CMIP: variants seen among roughly 807,000 people sequenced by gnomAD.
CMIP encodes the protein c-Maf inducing protein.
A neutral mutation model predicts 97.3 loss-of-function variants in CMIP; 13 were observed. The ratio of observed to expected loss-of-function variants is 0.13; its 90% confidence interval spans 0.09 to 0.21. The LOEUF (loss-of-function observed/expected upper bound fraction) is 0.21. Among genes scored for constraint, CMIP ranks in the 10% least tolerant of loss-of-function variants. The probability of loss-of-function intolerance (pLI) is 1.00; values close to 1 mark genes in which losing one functional copy is unlikely to be tolerated. For synonymous variants in CMIP, 538 were observed against 436.3 expected (o/e 1.23, Z -2.91); for missense variants, 847 against 1,024.9 (o/e 0.83, Z 2.37).
intron 1 of CMIP, among the ~76,000 whole-genome samples, chr16:81,592,739 C>A (rs955198670): frequency 1.3e-5 from 2 of 152,178 alleles, no homozygotes; most frequent in Non-Finnish European, 2.9e-5. Context: ...CTCCATGGAA[C>A]TGGGGAGTCT....
chr16:81,693,390 A>G, intron 12 of CMIP, 49 bp from the exon 13 acceptor site: 1 of 1,590,866 alleles, frequency 6.3e-7, no homozygotes, highest in South Asian at 1.1e-5. Flanking sequence ...CACACCTCCC[A>G]CTCAGTTCCA....
At chr16:81,559,670 G>T (rs1035665611) in intron 1 of CMIP, among the ~76,000 whole-genome samples, 1 of 152,206 alleles carries the variant, frequency 6.6e-6, no homozygotes, top group Non-Finnish European at 1.5e-5. Context: ...ACTGCCAGTC[G>T]TGCAAAAGCA....
Position 81,621,715 on chromosome 16 carries a change from AGCTGG to A in CMIP, c.477+791_477+795del. 1 of 152,780 alleles carries A rather than the reference AGCTGG, an allele frequency of 6.5e-6. No homozygotes were observed. 9.5% of individuals were successfully genotyped at this position (152,780 alleles called of 1,614,324 possible). On this transcript the variant is annotated intron_variant, in intron 3 of 20. Coordinates refer to ENST00000537098, the MANE Select transcript of CMIP (RefSeq NM_198390.3). The surrounding 1 kb of genome is among the most constrained non-coding windows in gnomAD (Gnocchi z 4.1). ...GTCATAAGCTGTCATCCTTACAGTAAGCTGGGGAGCCACAGGGGATGAACAGCTGG... is the reference window on the plus strand; with the variant it reads ...GTCATAAGCTGTCATCCTTACAGTAAGGAGCCACAGGGGATGAACAGCTGG...
In CMIP at chr16:81,470,762, T is replaced by C. The variant is rs549357269; in HGVS notation, c.300+25221T>C. Among the ~76,000 whole-genome samples, 51 of 152,332 alleles carry C rather than the reference T, an allele frequency of 3.3e-4. 1 individual carries two copies. In the South Asian group the frequency reaches 0.01, roughly 30 times the overall value. On this transcript the variant is annotated intron_variant, in intron 1 of 20. Coordinates refer to ENST00000537098, the MANE Select transcript of CMIP (RefSeq NM_198390.3). ...CATGAGCCACTGTGCCCAGCCAAAATTGGGATTTTGTAAGTAGAAAATGAT... is the reference window on the plus strand; with the variant it reads ...CATGAGCCACTGTGCCCAGCCAAAACTGGGATTTTGTAAGTAGAAAATGAT...
At chr16:81,560,157 A>AAG (rs1555530507) in intron 1 of CMIP, among the ~76,000 whole-genome samples, 73 of 144,178 alleles carry the variant, frequency 5.1e-4, no homozygotes, top group African/African-American at 1.5e-3. Flanking sequence ...AAAAAAAAAA[A>AAG]AAAAGAAAAA....
intron 2 of CMIP, chr16:81,618,387 T>C (rs1160361146): frequency 1.3e-5 from 2 of 152,286 alleles, no homozygotes. Flanking sequence ...TTGGGCTACC[T>C]AGATCATCCC....
intron 6 of CMIP, 142 bp downstream of exon 6, chr16:81,661,088 C>A: frequency 7.3e-6 from 7 of 960,926 alleles, no homozygotes; most frequent in Non-Finnish European, 1.2e-5. Flanking sequence ...GCGGAGAGGG[C>A]ATGCCCGGCA....
intron 1 of CMIP, among the ~76,000 whole-genome samples, chr16:81,583,420 A>G (rs1450461616): frequency 3.9e-5 from 6 of 152,248 alleles, no homozygotes; most frequent in Non-Finnish European, 8.8e-5. Flanking sequence ...TTGTTGAGCA[A>G]CTGTTCTAGG....
intron 4 of CMIP, among the ~76,000 whole-genome samples, chr16:81,656,266 T>C (rs1392823776): frequency 2.0e-5 from 3 of 152,212 alleles, no homozygotes; most frequent in Non-Finnish European, 4.4e-5. Context: ...TCGCAAGCTT[T>C]TCTTTTGCCT....
intron 1 of CMIP, among the ~76,000 whole-genome samples, chr16:81,562,809 C>G (rs1309273349): frequency 1.3e-5 from 2 of 152,192 alleles, no homozygotes; most frequent in Admixed American, 6.5e-5. Flanking sequence ...AATGTGGAAA[C>G]TGAAGCTCAG....
Position 81,607,590 on chromosome 16 carries a change from A to G in CMIP, c.324A>G (p.Ser108=). Residue 108 remains serine, a synonymous_variant, in exon 2 of 21, where the codon TCA becomes TCG. Transcript: ENST00000537098. ...SATPTGYMEN[S]VSYSAIEDVQ... is the part of the protein sequence containing the mutation. The stretch of plus-strand genomic sequence containing the variant: ...AGCCAACTGGGTACATGGAAAACTC[A>G]GTCTCCTACAGCGCAATTGAAGACG... 6.2e-7 allele frequency: 1 copy of G among 1,613,986 alleles called. No homozygotes were observed. Among genetic ancestry groups the G allele is most frequent in the Non-Finnish European group, 8.5e-7 (1 of 1,179,888 alleles).
intron 4 of CMIP, among the ~76,000 whole-genome samples, chr16:81,654,242 T>C (rs1192819965): frequency 2.0e-5 from 3 of 151,950 alleles, no homozygotes; most frequent in Non-Finnish European, 4.4e-5. Flanking sequence ...TTATTATTAT[T>C]ATTATTATTA....
chr16:81,488,836 C>G (rs963319240), intron 1 of CMIP, among the ~76,000 whole-genome samples: 1 of 152,098 alleles, frequency 6.6e-6, no homozygotes, highest in African/African-American at 2.4e-5. Flanking sequence ...TCTGGCAGAG[C>G]GATGTAGTTG....
intron 1 of CMIP, chr16:81,520,111 G>C (rs1447834346): frequency 6.6e-6 from 1 of 152,266 alleles, no homozygotes; most frequent in Admixed American, 6.6e-5. Context: ...GTGCTTAGCA[G>C]GTGGGGCCTA....
chr16:81,673,517 A>AAAAT (rs139254304), intron 9 of CMIP, among the ~76,000 whole-genome samples: 27 of 149,954 alleles, frequency 1.8e-4, no homozygotes, highest in South Asian at 4.2e-4. Context: ...CTCCTTCTCA[A>AAAAT]AAATAAATAA....
chr16:81,516,450 C>T (rs775683695), intron 1 of CMIP, among the ~76,000 whole-genome samples: 2 of 152,172 alleles, frequency 1.3e-5, no homozygotes, highest in Admixed American at 6.5e-5. Flanking sequence ...TCTGCAGATA[C>T]GTGCCGTGTT....
chr16:81,656,051 C>T (rs2092477625), intron 4 of CMIP, among the ~76,000 whole-genome samples: 1 of 152,132 alleles, frequency 6.6e-6, no homozygotes, highest in Non-Finnish European at 1.5e-5. Flanking sequence ...CACTCATATC[C>T]ACTAAAGAAA....
intron 1 of CMIP, among the ~76,000 whole-genome samples, chr16:81,512,717 G>T (rs535971937): frequency 1.5e-4 from 23 of 151,370 alleles, no homozygotes; most frequent in Non-Finnish European, 2.7e-4. Flanking sequence ...AAATTAATTG[G>T]CCACAAAATA....
At chr16:81,601,258 G>C (rs9925501) in intron 1 of CMIP, among the ~76,000 whole-genome samples, 10,434 of 152,220 alleles carry the variant, frequency 0.069, 615 homozygotes, top group East Asian at 0.15. Flanking sequence ...CATGTTTTGA[G>C]TCAGCCTGGA....
Sources: gnomAD v4.1 joint callset for allele counts (sites outside exome capture counted in the v4.1 genomes callset) on GRCh38, gnomAD v4.1.1 for gene constraint, Gnocchi (gnomAD v3.1) non-coding constraint, MANE v1.5 for transcripts, NCBI Gene and HGNC (gene_info 2026-07-23, HGNC 2026-07-21) for gene names.